Variants in PKP2 observed in about 807,000 individuals in gnomAD.
PKP2 encodes the protein plakophilin-2.
Under a neutral mutation model 83.4 loss-of-function variants are expected in PKP2, and 73 were observed. That is an observed-to-expected ratio of 0.88 (90% confidence interval 0.72 to 1.06). PKP2 has a LOEUF of 1.06. Ranked by LOEUF, PKP2 falls within the 50% of genes least tolerant of loss-of-function variation. The pLI, the probability that PKP2 is intolerant of heterozygous loss-of-function variation, is 0.00. For missense variants in PKP2, 966 were observed against 1,065.4 expected, an observed-to-expected ratio of 0.91 and a Z score of 1.30; for synonymous variants, 409 against 430.4, an observed-to-expected ratio of 0.95 and a Z score of 0.62.
intron 1 of PKP2, among the ~76,000 whole-genome samples, chr12:32,885,599 G>C (rs947161313): frequency 6.6e-6 from 1 of 152,068 alleles, no homozygotes; most frequent in Non-Finnish European, 1.5e-5. Flanking sequence ...AGGAGGCAGA[G>C]GTTGCGGTGA....
chr12:32,896,724 G>A lies in PKP2; in HGVS notation c.8C>T (p.Ala3Val), dbSNP rs1033569962. The A allele has an allele frequency of 2.1e-6, 3 of 1,459,704 alleles. No homozygotes were observed. The highest frequency in any genetic ancestry group is 1.5e-5 in the African/African-American group (1 of 68,274). 90.4% of individuals were successfully genotyped at this position (1,459,704 alleles called of 1,614,324 possible). MA[A>V]PGAPAEYGYI... is the part of the protein sequence containing the mutation. ...GCCGTACTCAGCTGGGGCGCCGGGG[G>A]CTGCCATGGGGCCGGTGGGGGCGAC... Residue 3 changes from alanine to valine, a missense_variant, in exon 1 of 13, where the codon GCC becomes GTC. Coordinates refer to ENST00000340811, the MANE Select transcript of PKP2 (RefSeq NM_001005242.3).
chr12:32,838,489 A>C (rs920406217), intron 6 of PKP2, among the ~76,000 whole-genome samples: 8 of 152,074 alleles, frequency 5.3e-5, no homozygotes, highest in African/African-American at 1.9e-4. Context: ...ATTAAAAAAA[A>C]AAAAAATTAA....
intron 1 of PKP2, among the ~76,000 whole-genome samples, chr12:32,881,170 C>T (rs574799122): frequency 6.6e-5 from 10 of 152,274 alleles, no homozygotes; most frequent in South Asian, 4.1e-4. Context: ...TGTTTGTACA[C>T]GTGTCCTTAT....
In PKP2 at chr12:32,792,346, G is replaced by A; in HGVS notation, c.*78C>T. 9.9e-7 allele frequency: 1 copy of A among 1,013,832 alleles called. No individual in the cohort carries two copies. Among genetic ancestry groups the A allele is most frequent in the Non-Finnish European group, 1.6e-6 (1 of 632,902 alleles). 62.8% of individuals were successfully genotyped at this position (1,013,832 alleles called of 1,614,324 possible). On this transcript the variant is annotated 3_prime_UTR_variant, in exon 13 of 13. Coordinates refer to ENST00000340811, the MANE Select transcript of PKP2 (RefSeq NM_001005242.3). Reference sequence around the variant, plus strand: ...GATAGAAACAAGGCATGCTTTTGAGGTTTCTTGGGCTGGGTAGTAGAAAAA... The same window carrying A: ...GATAGAAACAAGGCATGCTTTTGAGATTTCTTGGGCTGGGTAGTAGAAAAA...
At chr12:32,852,961 G>C (rs1956713714) in intron 4 of PKP2, among the ~76,000 whole-genome samples, 1 of 152,140 alleles carries the variant, frequency 6.6e-6, no homozygotes. Flanking sequence ...GTGGGTGCCT[G>C]TAATCCCAGC....
chr12:32,843,465 T>G (rs565306203), intron 5 of PKP2: 1 of 553,044 alleles, frequency 1.8e-6, no homozygotes, highest in South Asian at 1.4e-5. Flanking sequence ...CTCAGCATAC[T>G]TATATTTGGT....
chr12:32,820,514 T>C (rs540374266), intron 9 of PKP2: 2 of 152,374 alleles, frequency 1.3e-5, no homozygotes, highest in East Asian at 1.9e-4. Context: ...CTTTATTTTG[T>C]AGTTGAATTT....
rs201405287 is a variant in PKP2, at chr12:32,822,589, G to C, written c.1717C>G (p.Gln573Glu). 1 of 1,613,932 alleles carries C rather than the reference G, an allele frequency of 6.2e-7. No individual in the cohort carries two copies. The highest frequency in any genetic ancestry group is 8.5e-7 in the Non-Finnish European group (1 of 1,179,952). Residue 573 changes from glutamine (Q) to glutamate (E), a missense_variant, in exon 8 of 13, where the codon CAG becomes GAG. Transcript: ENST00000340811. Reference sequence around the variant, plus strand: ...TTCTCTGGGAGCTCTGCCTCCAGCTGGTAGGAGAGGTTATGAAGAATGCAC... The same window carrying C: ...TTCTCTGGGAGCTCTGCCTCCAGCTCGTAGGAGAGGTTATGAAGAATGCAC... ...CVCILHNLSY[Q>E]LEAELPEKYS...
At chr12:32,830,174 C>T (rs1215329400) in intron 6 of PKP2, among the ~76,000 whole-genome samples, 2 of 152,178 alleles carry the variant, frequency 1.3e-5, no homozygotes, top group East Asian at 1.9e-4. Flanking sequence ...GATGAGACAT[C>T]GGCTGACATG....
At chr12:32,833,541 G>A (rs1319675017) in intron 6 of PKP2, among the ~76,000 whole-genome samples, 1 of 151,994 alleles carries the variant, frequency 6.6e-6, no homozygotes, top group African/African-American at 2.4e-5. Flanking sequence ...TCTTTCCAAA[G>A]GTATGGTTTG....
intron 6 of PKP2, among the ~76,000 whole-genome samples, chr12:32,834,542 T>A (rs1388090569): frequency 5.3e-5 from 8 of 152,200 alleles, no homozygotes; most frequent in African/African-American, 2.4e-5. Context: ...CTCACTGCTC[T>A]TGGGGCAAGT....
intron 6 of PKP2, among the ~76,000 whole-genome samples, chr12:32,834,844 C>T (rs868502994): frequency 6.6e-6 from 1 of 151,706 alleles, no homozygotes; most frequent in Non-Finnish European, 1.5e-5. Flanking sequence ...ATGCTACATC[C>T]AGGGGTTTTC....
intron 1 of PKP2, among the ~76,000 whole-genome samples, chr12:32,884,817 CTTGAA>C (rs1957016795): frequency 6.8e-6 from 1 of 146,928 alleles, no homozygotes; most frequent in Admixed American, 6.8e-5. Context: ...TACCACTGGT[CTTGAA>C]TTGGACTTTT....
intron 6 of PKP2, among the ~76,000 whole-genome samples, chr12:32,832,653 C>A (rs1033840617): frequency 1.2e-4 from 19 of 152,158 alleles, no homozygotes; most frequent in African/African-American, 4.3e-4. Flanking sequence ...GGTGAACTAT[C>A]TAGATACTTT....
intron 10 of PKP2, among the ~76,000 whole-genome samples, chr12:32,801,065 G>A (rs1250138270): frequency 6.6e-6 from 1 of 152,196 alleles, no homozygotes; most frequent in African/African-American, 2.4e-5. Flanking sequence ...TATTTGACAT[G>A]AAGCCAATCT....
intron 6 of PKP2, among the ~76,000 whole-genome samples, chr12:32,830,523 T>C (rs11052270): frequency 0.18 from 27,064 of 152,046 alleles, 3,053 homozygotes; most frequent in African/African-American, 0.32. Context: ...CCTACGGGGA[T>C]AAGAAAAATT....
At chr12:32,800,407 T>C (rs1956168679) in intron 10 of PKP2, among the ~76,000 whole-genome samples, 1 of 152,216 alleles carries the variant, frequency 6.6e-6, no homozygotes, top group Non-Finnish European at 1.5e-5. Flanking sequence ...TACCTGGACC[T>C]GATTGACAGG....
At chr12:32,843,370 GC>G in intron 5 of PKP2, 1 of 1,316,534 alleles carries the variant, frequency 7.6e-7, no homozygotes, top group Non-Finnish European at 1.0e-6. Flanking sequence ...TATGAACACA[GC>G]AAATGTGGCA....
At chr12:32,815,762 T>C (rs1342041852) in intron 9 of PKP2, among the ~76,000 whole-genome samples, 2 of 152,228 alleles carry the variant, frequency 1.3e-5, no homozygotes, top group Non-Finnish European at 2.9e-5. Flanking sequence ...AGAACAATCA[T>C]TGAAAACATG....
Sources: gnomAD v4.1 joint callset for allele counts (sites outside exome capture counted in the v4.1 genomes callset) on GRCh38, gnomAD v4.1.1 for gene constraint, MANE v1.5 for transcripts, NCBI Gene and HGNC (gene_info 2026-07-23, HGNC 2026-07-21) for gene names.